Variants in GABRR1 observed in about 807,000 individuals in gnomAD.
The protein encoded by GABRR1 is gamma-aminobutyric acid receptor subunit rho-1.
A neutral mutation model predicts 55.5 loss-of-function variants in GABRR1; 59 were observed. The observed-to-expected ratio is 1.06, with a 90% CI of 0.86 to 1.32. The LOEUF is 1.32. Among genes scored for constraint, GABRR1 ranks in the 40% most tolerant of loss-of-function variants. The pLI, the probability that GABRR1 is intolerant of heterozygous loss-of-function variation, is 0.00. For synonymous variants in GABRR1, 213 were observed against 226.0 expected, an observed-to-expected ratio of 0.94 and a Z score of 0.51; for missense variants, 602 against 619.1, an observed-to-expected ratio of 0.97 and a Z score of 0.29.
rs1327729289 is a variant in GABRR1 at position 89,190,189 on chromosome 6, T to G, written c.631A>C (p.Thr211Pro). 6.2e-7 allele frequency: 1 copy of G among 1,610,510 alleles called. No individual in the cohort carries two copies. Among genetic ancestry groups the G allele is most frequent in the African/African-American group, 1.3e-5 (1 of 74,802 alleles). ...CAGCTTTCAATTTCAAGAGAGCACG[T>G]TTGTGTGTCCAAGGGAAATCGGCTG... Reference protein sequence around the residue: ...DFSRFPLDTQTCSLEIESYAY... With the variant: ...DFSRFPLDTQPCSLEIESYAY... Residue 211 changes from threonine (T) to proline (P), a missense_variant, in exon 6 of 10, where the codon ACG becomes CCG. By Grantham distance (38) the Thr-to-Pro change is conservative. Coordinates refer to ENST00000454853, the MANE Select transcript of GABRR1 (RefSeq NM_002042.5).
intron 9 of GABRR1, 48 bp from the exon 10 acceptor site, chr6:89,179,111 C>A (rs775989966): frequency 1.9e-6 from 3 of 1,574,394 alleles, no homozygotes; most frequent in Non-Finnish European, 2.6e-6. Context: ...CATCATCTCT[C>A]AGAAGCCCTT....
intron 1 of GABRR1, among the ~76,000 whole-genome samples, chr6:89,210,721 T>C (rs1050238578): frequency 6.6e-6 from 1 of 152,176 alleles, no homozygotes; most frequent in African/African-American, 2.4e-5. Context: ...CATTTATTCA[T>C]GCCCAACACT....
At chr6:89,189,084 T>C (rs1250963761) in intron 6 of GABRR1, among the ~76,000 whole-genome samples, 2 of 151,604 alleles carry the variant, frequency 1.3e-5, no homozygotes, top group Non-Finnish European at 2.9e-5. Flanking sequence ...GGCAAAGGGC[T>C]TGGAAGGAGA....
Position 89,178,350 on chromosome 6 carries a change from AT to A in GABRR1, c.*419del, listed in dbSNP as rs1258135195. 5.6e-6 allele frequency: 1 copy of A among 177,354 alleles called. No individual in the cohort carries two copies. The highest frequency in any genetic ancestry group is 1.2e-5 in the Non-Finnish European group (1 of 82,520). The allele number at this position is 177,354 out of a possible 1,614,324, so 11.0% of individuals were successfully genotyped here. A position where few individuals can be genotyped will look rare whatever the true frequency, so the allele number is the denominator to read the frequency against. On this transcript the variant is annotated 3_prime_UTR_variant, in exon 10 of 10. Coordinates refer to ENST00000454853, the MANE Select transcript of GABRR1 (RefSeq NM_002042.5). ...GAGGATTTAGGTGCATGTGAATTTC[AT>A]GCAAATGGCCTGTAGGTGCTTCCAA...
intron 1 of GABRR1, among the ~76,000 whole-genome samples, chr6:89,228,950 A>T (rs1383515990): frequency 6.7e-6 from 1 of 148,534 alleles, no homozygotes; most frequent in Non-Finnish European, 1.5e-5. Context: ...GTGCTCCTGT[A>T]TTGGGTGCAT....
chr6:89,204,782 GC>G, intron 1 of GABRR1: 1 of 566,644 alleles, frequency 1.8e-6, no homozygotes, highest in Non-Finnish European at 2.5e-6. Context: ...CTGTTTACAT[GC>G]CCATGTAAAA....
At chr6:89,215,719 A>G (rs1360816396) in intron 1 of GABRR1, among the ~76,000 whole-genome samples, 2 of 152,238 alleles carry the variant, frequency 1.3e-5, no homozygotes, top group African/African-American at 4.8e-5. Flanking sequence ...TAATGGATAC[A>G]CTAATTAGAC....
intron 7 of GABRR1, among the ~76,000 whole-genome samples, chr6:89,184,221 C>T (rs1413778373): frequency 1.4e-5 from 2 of 145,586 alleles, no homozygotes; most frequent in Non-Finnish European, 1.5e-5. Context: ...GCACTCTAGC[C>T]TGGGCAACAG....
intron 1 of GABRR1, among the ~76,000 whole-genome samples, chr6:89,227,037 G>T: frequency 1.5e-5 from 1 of 65,754 alleles, no homozygotes; most frequent in Admixed American, 1.4e-4. Context: ...ACTGTGAATG[G>T]GAGTTCACTC....
rs115379686 is a variant in GABRR1, at chr6:89,188,805, C to T, written c.655+1360G>A. On this transcript the variant is annotated intron_variant, in intron 6 of 9. Coordinates refer to ENST00000454853, the MANE Select transcript of GABRR1 (RefSeq NM_002042.5). ...GTATTTTTTTCTTTTGTTGACTGCA[C>T]CTGTGGTGTCATAGCGCCTGGTTTT... Among the ~76,000 whole-genome samples the T allele has an allele frequency of 4.3e-3, 649 of 152,106 alleles. 3 individuals carry two copies. The highest frequency in any genetic ancestry group is 0.015 in the African/African-American group (625 of 41,450).
intron 7 of GABRR1, among the ~76,000 whole-genome samples, chr6:89,184,264 A>AAAAAT (rs1771823211): frequency 6.7e-6 from 1 of 149,716 alleles, no homozygotes; most frequent in Non-Finnish European, 1.5e-5. Context: ...AAAAAAAAAA[A>AAAAAT]AAATTCCTAG....
chr6:89,180,563 A>G, intron 8 of GABRR1, 75 bp from the exon 9 acceptor site: 1 of 1,540,568 alleles, frequency 6.5e-7, no homozygotes, highest in South Asian at 1.2e-5. Flanking sequence ...GTCTCTGCTC[A>G]TTTGTCCCTG....
chr6:89,182,134 G>A (rs1003283343), intron 7 of GABRR1, 77 bp from the exon 8 acceptor site: 6 of 1,467,950 alleles, frequency 4.1e-6, no homozygotes, highest in Non-Finnish European at 5.7e-6. Flanking sequence ...AAATTGTTAA[G>A]TGCCTTAGAC....
In GABRR1 at chr6:89,178,644, G is replaced by T; in HGVS notation, c.*126C>A. 2 of 741,190 alleles carry T rather than the reference G, an allele frequency of 2.7e-6. No homozygotes were observed. The highest frequency in any genetic ancestry group is 4.4e-6 in the Non-Finnish European group (2 of 458,394). 45.9% of individuals were successfully genotyped at this position (741,190 alleles called of 1,614,324 possible). On this transcript the variant is annotated 3_prime_UTR_variant, in exon 10 of 10. Transcript: ENST00000454853. ...AATGTAGCTTTGGAAAGCTGCAGAAGGGATAGTGAAAACATGGGTGGGTCC... is the reference window on the plus strand; with the variant it reads ...AATGTAGCTTTGGAAAGCTGCAGAATGGATAGTGAAAACATGGGTGGGTCC...
In GABRR1 at chr6:89,178,401, T is replaced by C. The variant is rs1182737181; in HGVS notation, c.*369A>G. 6 of 246,092 alleles carry C rather than the reference T, an allele frequency of 2.4e-5. No homozygotes were observed. The highest frequency in any genetic ancestry group is 7.9e-6 in the Non-Finnish European group (1 of 126,408). The allele number at this position is 246,092 out of a possible 1,614,324, so 15.2% of individuals were successfully genotyped here. On this transcript the variant is annotated 3_prime_UTR_variant, in exon 10 of 10. Transcript: ENST00000454853. The stretch of plus-strand genomic sequence containing the variant: ...AGTTCACGTAGCCTGAACAATGTAA[T>C]GACACTTGAGGAAAATAAATTATTC...
chr6:89,190,147 G>A lies in GABRR1; in HGVS notation c.655+18C>T, dbSNP rs371745734. ...TATCAGGAGCTGTGTGCTGATGCCC[G>A]GGGACAAGTCTACTCACAGCTTTCA... On this transcript the variant is annotated intron_variant, in intron 6 of 9. Coordinates refer to ENST00000454853, the MANE Select transcript of GABRR1 (RefSeq NM_002042.5). 35 of 1,577,864 alleles carry A rather than the reference G, an allele frequency of 2.2e-5. No homozygotes were observed. The highest frequency in any genetic ancestry group is 4.1e-5 in the African/African-American group (3 of 73,734).
chr6:89,183,100 A>C (rs9451173), intron 7 of GABRR1, among the ~76,000 whole-genome samples: 8,084 of 151,092 alleles, frequency 0.054, 266 homozygotes, highest in African/African-American at 0.093. Flanking sequence ...TGTCCTTACA[A>C]GGAAAACATA....
At chr6:89,204,611 G>A in intron 1 of GABRR1, 1 of 1,270,710 alleles carries the variant, frequency 7.9e-7, no homozygotes, top group Non-Finnish European at 1.0e-6. Flanking sequence ...CTTTGGGCCA[G>A]CCTGAAATGG....
At position 89,217,273 on chromosome 6, in the gene GABRR1, C is replaced by T; in HGVS notation, c.50G>A (p.Gly17Glu). 1 of 1,614,070 alleles carries T rather than the reference C, an allele frequency of 6.2e-7. No individual in the cohort carries two copies. Among genetic ancestry groups the T allele is most frequent in the East Asian group, 2.2e-5 (1 of 44,880 alleles). The part of the protein sequence containing the change: ...MRFGIFLLWW[G>E]WVLATESRMH... Reference sequence around the variant, plus strand: ...TCTGCTTTCAGTGGCCAAAACCCATCCCCACCACAAAAGAAAGATGCCAAA... The same window carrying T: ...TCTGCTTTCAGTGGCCAAAACCCATTCCCACCACAAAAGAAAGATGCCAAA... Residue 17 changes from glycine to glutamate, a missense_variant, in exon 1 of 10, where the codon GGA becomes GAA. This residue lies in a region of GABRR1 where 435 missense variants were observed against 424.2 expected (regional missense o/e 1.03). Coordinates refer to ENST00000454853, the MANE Select transcript of GABRR1 (RefSeq NM_002042.5).
Sources: allele counts gnomAD v4.1 joint callset (sites outside exome capture counted in the v4.1 genomes callset), GRCh38; gene constraint gnomAD v4.1.1; regional missense constraint gnomAD v4.1.1; transcripts MANE v1.5; gene names NCBI Gene and HGNC (gene_info 2026-07-23, HGNC 2026-07-21).